NTM: variants seen among roughly 807,000 people sequenced by gnomAD.
The protein encoded by NTM is IgLON family member 2.
Under a neutral mutation model 42.1 loss-of-function variants are expected in NTM, and 13 were observed. That is an observed-to-expected ratio of 0.31 (90% CI 0.20 to 0.49). The LOEUF (loss-of-function observed/expected upper bound fraction) is 0.49. Among genes scored for constraint, NTM ranks in the 20% least tolerant of loss-of-function variants. NTM has a pLI of 0.99. For synonymous variants in NTM, 187 were observed against 179.2 expected, an observed-to-expected ratio of 1.04 and a Z score of -0.35; for missense variants, 373 against 452.8, an observed-to-expected ratio of 0.82 and a Z score of 1.60.
chr11:131,953,545 A>C (rs2061248699), intron 2 of NTM, among the ~76,000 whole-genome samples: 1 of 152,230 alleles, frequency 6.6e-6, no homozygotes, highest in Non-Finnish European at 1.5e-5. Context: ...AGACAATTTT[A>C]CCACCTGATC....
chr11:132,064,765 A>G (rs964736843), intron 2 of NTM, among the ~76,000 whole-genome samples: 11 of 152,168 alleles, frequency 7.2e-5, no homozygotes, highest in African/African-American at 2.7e-4. Context: ...CAGGCTAACA[A>G]CTTCACTTTC....
At chr11:132,251,842 A>G (rs2091968698) in intron 4 of NTM, among the ~76,000 whole-genome samples, 1 of 152,150 alleles carries the variant, frequency 6.6e-6, no homozygotes, top group Non-Finnish European at 1.5e-5. Context: ...CAAAGAGGGG[A>G]GGGCCAAAGG....
intron 1 of NTM, among the ~76,000 whole-genome samples, chr11:131,786,766 C>G (rs1285621608): frequency 6.6e-6 from 1 of 152,148 alleles, no homozygotes; most frequent in South Asian, 2.1e-4. Flanking sequence ...AGGCTATTCC[C>G]ATCATCAACA....
chr11:131,561,027 A>G (rs1044773445), intron 1 of NTM, among the ~76,000 whole-genome samples: 1 of 152,208 alleles, frequency 6.6e-6, no homozygotes, highest in Non-Finnish European at 1.5e-5. Flanking sequence ...GTCTCTCAGA[A>G]AAGCCAGTGT....
At chr11:132,009,230 A>AGAGTCCTGTAAGTT (rs1162362565) in intron 2 of NTM, among the ~76,000 whole-genome samples, 1 of 152,172 alleles carries the variant, frequency 6.6e-6, no homozygotes, top group East Asian at 1.9e-4. Context: ...TGTGCCTGCA[A>AGAGTCCTGTAAGTT]GAGTCCTGTA....
At chr11:132,226,862 CT>C (rs1166348439) in intron 4 of NTM, among the ~76,000 whole-genome samples, 1 of 152,190 alleles carries the variant, frequency 6.6e-6, no homozygotes. Context: ...TTAAGACTGA[CT>C]ATAAGATTTG....
Position 131,815,062 on chromosome 11 carries a change from T to A in NTM, c.83-96502T>A, listed in dbSNP as rs1001115260. 8.5e-5 allele frequency among the ~76,000 whole-genome samples: 13 copies of A among 152,228 alleles called. 2 individuals carry two copies. Among genetic ancestry groups the A allele is most frequent in the African/African-American group, 3.1e-4 (13 of 41,536 alleles). ...GAGATTTTTAAAAATGCAAGCATGATCACCTCGCTCTGCAGGTAGAAATAC... is the reference window on the plus strand; with the variant it reads ...GAGATTTTTAAAAATGCAAGCATGAACACCTCGCTCTGCAGGTAGAAATAC... On this transcript the variant is annotated intron_variant, in intron 1 of 8. Coordinates refer to ENST00000683400, the MANE Select transcript of NTM (RefSeq NM_001352005.2).
At chr11:132,196,826 A>G (rs748481898) in intron 3 of NTM, among the ~76,000 whole-genome samples, 88 of 152,154 alleles carry the variant, frequency 5.8e-4, no homozygotes, top group Non-Finnish European at 1.1e-3. Context: ...ATTGGTTGCT[A>G]TGGTCACTAC....
rs1210872837 is a variant in NTM at position 131,484,653 on chromosome 11, T to C, written c.82+113765T>C. On this transcript the variant is annotated intron_variant, in intron 1 of 8. Transcript: ENST00000683400. ...CTTCCTCCTGCGTAGACACTGCCCC[T>C]TTCCCAGGAGCAATGAGAGTCAGCC... 2.0e-5 allele frequency among the ~76,000 whole-genome samples: 3 copies of C among 152,278 alleles called. No individual in the cohort carries two copies. In the East Asian group the frequency reaches 5.8e-4, roughly 29 times the overall value.
At chr11:132,175,357 T>G (rs2076651817) in intron 3 of NTM, among the ~76,000 whole-genome samples, 1 of 152,070 alleles carries the variant, frequency 6.6e-6, no homozygotes, top group African/African-American at 2.4e-5. Context: ...GCTCCTGCTC[T>G]CCACGCTGCA....
rs111589748 is a variant in NTM at position 131,637,033 on chromosome 11, G to A, written c.82+266145G>A. Among the ~76,000 whole-genome samples the A allele has an allele frequency of 3.1e-3, 468 of 152,232 alleles. 1 individual carries two copies. The highest frequency in any genetic ancestry group is 4.4e-3 in the Non-Finnish European group (296 of 68,014). ...GCTGGTTCTTTCTGTGTCCAGAGAA[G>A]TCCCCTGTTTCCCTCTTGTCTTCTA... is the stretch of plus-strand genomic sequence containing the variant. On this transcript the variant is annotated intron_variant, in intron 1 of 8. Transcript: ENST00000683400.
At chr11:131,711,435 A>C (rs1014110597) in intron 1 of NTM, among the ~76,000 whole-genome samples, 10 of 152,284 alleles carry the variant, frequency 6.6e-5, no homozygotes, top group South Asian at 4.1e-4. Context: ...AATGAGATAC[A>C]ATCTCACACC....
chr11:131,955,740 C>T (rs2134422029), intron 2 of NTM, among the ~76,000 whole-genome samples: 1 of 151,404 alleles, frequency 6.6e-6, no homozygotes, highest in South Asian at 2.1e-4. Flanking sequence ...TGTGACTCCA[C>T]AGGGAGATTT....
intron 2 of NTM, among the ~76,000 whole-genome samples, chr11:132,089,713 C>T (rs142037352): frequency 1.1e-3 from 164 of 152,174 alleles, no homozygotes; most frequent in African/African-American, 3.3e-3. Context: ...TTTTGTAAAG[C>T]GTCAGTGATT....
chr11:132,236,781 C>G (rs2089015351), intron 4 of NTM, among the ~76,000 whole-genome samples: 1 of 152,204 alleles, frequency 6.6e-6, no homozygotes, highest in Non-Finnish European at 1.5e-5. Flanking sequence ...GCAGTCTAAT[C>G]TCCCGGCATG....
chr11:132,138,989 G>A (rs924706342), intron 2 of NTM, among the ~76,000 whole-genome samples: 4 of 152,166 alleles, frequency 2.6e-5, no homozygotes, highest in African/African-American at 9.7e-5. Flanking sequence ...ACTTTGTAGG[G>A]ATCACTCACT....
At chr11:132,114,808 A>G (rs189760268) in intron 2 of NTM, among the ~76,000 whole-genome samples, 3 of 152,318 alleles carry the variant, frequency 2.0e-5, no homozygotes, top group Admixed American at 6.5e-5. Context: ...GGGCATAGAC[A>G]TTCTACAAAT....
chr11:131,747,457 T>C (rs148215382), intron 1 of NTM, among the ~76,000 whole-genome samples: 1 of 152,308 alleles, frequency 6.6e-6, no homozygotes, highest in Non-Finnish European at 1.5e-5. Context: ...ACCAACATCT[T>C]AATGAAGTTC....
At chr11:132,288,184 G>T (rs1341695394) in intron 4 of NTM, among the ~76,000 whole-genome samples, 1 of 152,182 alleles carries the variant, frequency 6.6e-6, no homozygotes, top group Non-Finnish European at 1.5e-5. Flanking sequence ...GCCACATCGT[G>T]CAGAATATGA....
Sources: allele counts gnomAD v4.1 joint callset (sites outside exome capture counted in the v4.1 genomes callset), GRCh38; gene constraint gnomAD v4.1.1; transcripts MANE v1.5; gene names NCBI Gene and HGNC (gene_info 2026-07-23, HGNC 2026-07-21).